The following SYNM variants were observed in gnomAD, a reference collection of about 807,000 sequenced individuals.
The protein encoded by SYNM is synemin.
SYNM carries 95 observed loss-of-function variants against 104.0 expected under a neutral mutation model. That is an observed-to-expected ratio of 0.91 (90% CI 0.77 to 1.08). SYNM has a LOEUF of 1.08. Ranked by LOEUF, SYNM falls within the 50% of genes least tolerant of loss-of-function variation. The probability of loss-of-function intolerance (pLI) is 0.00; values close to 1 mark genes in which losing one functional copy is unlikely to be tolerated. For missense variants in SYNM, 2,150 were observed against 2,052.2 expected, an observed-to-expected ratio of 1.05 and a Z score of -0.92; for synonymous variants, 918 against 869.0, an observed-to-expected ratio of 1.06 and a Z score of -0.99.
rs1189405834 is a variant in SYNM, at chr15:99,116,712, GGCT to G, written c.935+2999_935+3001del. Among the ~76,000 whole-genome samples, 5 of 142,394 alleles carry G rather than the reference GGCT, an allele frequency of 3.5e-5. 1 individual carries two copies. The highest frequency in any genetic ancestry group is 1.3e-4 in the African/African-American group (5 of 39,978). 93.4% of individuals were successfully genotyped at this position (142,394 alleles called of 152,430 possible). A position where few individuals can be genotyped will look rare whatever the true frequency, so the allele number is the denominator to read the frequency against. On this transcript the variant is annotated intron_variant, in intron 2 of 3. Coordinates refer to ENST00000336292, the MANE Select transcript of SYNM (RefSeq NM_145728.3). ...ACATGGAGTCTCACTCTGTCACCCAGGCTGGAGTGTGGTGGTGCGATCTTGGCT... is the reference window on the plus strand; with the variant it reads ...ACATGGAGTCTCACTCTGTCACCCAGGGAGTGTGGTGGTGCGATCTTGGCT...
downstream of SYNM, chr15:99,139,527 C>T (rs577108979): frequency 4.3e-5 from 67 of 1,551,334 alleles, no homozygotes; most frequent in South Asian, 6.9e-4. Flanking sequence ...TTAGCATGCT[C>T]CTGGGATGTC....
chr15:99,108,047 A>C (rs1427743711), intron 1 of SYNM, among the ~76,000 whole-genome samples: 1 of 150,596 alleles, frequency 6.6e-6, no homozygotes, highest in Admixed American at 6.7e-5. Context: ...TGATCTCGGC[A>C]CACCGCAACA....
the SYNM span, chr15:99,141,080 G>A: frequency 6.6e-6 from 1 of 152,142 alleles, no homozygotes; most frequent in African/African-American, 2.4e-5. Flanking sequence ...AAACTACCAA[G>A]TTTTGTTAAA....
At chr15:99,114,441 G>A (rs1434365310) in intron 2 of SYNM, among the ~76,000 whole-genome samples, 2 of 151,936 alleles carry the variant, frequency 1.3e-5, no homozygotes, top group South Asian at 2.1e-4. Context: ...GGTTTGGGTG[G>A]GGACCCAGAG....
At chr15:99,128,001 CTTCA>C (rs57585643) in intron 3 of SYNM, among the ~76,000 whole-genome samples, 1,786 of 151,138 alleles carry the variant, frequency 0.012, 34 homozygotes, top group African/African-American at 0.04. Context: ...TGTTAACTTG[CTTCA>C]TTCATTCATT....
chr15:99,131,702 A>C lies in SYNM; in HGVS notation c.3342A>C (p.Ser1114=). 6.2e-7 allele frequency: 1 copy of C among 1,613,546 alleles called. No homozygotes were observed. Among genetic ancestry groups the C allele is most frequent in the Non-Finnish European group, 8.5e-7 (1 of 1,179,854 alleles). ...GCAGCCCCACAGGCTTTGCCCAGTC[A>C]CAGGTGCTGGAGGATGTGAGCCAGG... The part of the protein sequence containing the change: ...EVSSPTGFAQ[S]QVLEDVSQAA... The change falls in exon 4 of 4, where the codon TCA becomes TCC. Residue 1114 remains serine (S), a synonymous_variant. Transcript: ENST00000336292. This position sits in a 1 kb window ranked among gnomAD's most constrained non-coding sequence, Gnocchi z 4.3.
chr15:99,107,670 T>G (rs2067259369), intron 1 of SYNM, among the ~76,000 whole-genome samples: 1 of 152,190 alleles, frequency 6.6e-6, no homozygotes, highest in Non-Finnish European at 1.5e-5. Flanking sequence ...ACTCGTAATG[T>G]GAGCCATATG....
chr15:99,105,485 C>A lies in SYNM; in HGVS notation c.286C>A (p.Gln96Lys). 1 of 1,357,914 alleles carries A rather than the reference C, an allele frequency of 7.4e-7. No individual in the cohort carries two copies. The highest frequency in any genetic ancestry group is 9.4e-7 in the Non-Finnish European group (1 of 1,059,032). The allele number at this position is 1,357,914 out of a possible 1,614,324, so 84.1% of individuals were successfully genotyped here. The change falls in exon 1 of 4, where the codon CAG becomes AAG. Residue 96 changes from glutamine to lysine, a missense_variant. Transcript: ENST00000336292. ...TCTGCGGCGCGAGCTGCGGGAGCTG[C>A]AGCGCCTGGATGCGGAGGAGCGCGC... is the stretch of plus-strand genomic sequence containing the variant. ...DALRRELREL[Q>K]RLDAEERAAR...
chr15:99,115,527 C>T lies in SYNM; in HGVS notation c.935+1812C>T, dbSNP rs993463817. Among the ~76,000 whole-genome samples, 31 of 142,692 alleles carry T rather than the reference C, an allele frequency of 2.2e-4. 1 individual carries two copies. Among genetic ancestry groups the T allele is most frequent in the African/African-American group, 6.8e-4 (26 of 38,008 alleles). The allele number at this position is 142,692 out of a possible 152,430, so 93.6% of individuals were successfully genotyped here. A position where few individuals can be genotyped will look rare whatever the true frequency, so the allele number is the denominator to read the frequency against. ...TCTCCTAGGCTGGCATGCAGTGGCA[C>T]GAGCTCAGCTCACTGCAACCTCCGC... On this transcript the variant is annotated intron_variant, in intron 2 of 3. Transcript: ENST00000336292.
intron 2 of SYNM, among the ~76,000 whole-genome samples, chr15:99,116,192 T>C (rs1176005104): frequency 6.6e-6 from 1 of 152,252 alleles, no homozygotes; most frequent in Non-Finnish European, 1.5e-5. Context: ...AGACTGGACT[T>C]CCCAAAGCCC....
chr15:99,114,852 A>G (rs2067332689), intron 2 of SYNM, among the ~76,000 whole-genome samples: 1 of 152,114 alleles, frequency 6.6e-6, no homozygotes, highest in Admixed American at 6.5e-5. Context: ...TCTCATGCTC[A>G]GGGCAGCTAT....
rs2067239203 is a variant in SYNM at position 99,106,066 on chromosome 15, C to G, written c.810+57C>G. ...TACCCGCTGCCGTCGCCCCAGCACC[C>G]TGCCCTTGACGGCGTGGGGCAGCGG... On this transcript the variant is annotated intron_variant, in intron 1 of 3. Coordinates refer to ENST00000336292, the MANE Select transcript of SYNM (RefSeq NM_145728.3). 3 of 1,350,950 alleles carry G rather than the reference C, an allele frequency of 2.2e-6. No individual in the cohort carries two copies. In the South Asian group the frequency reaches 5.4e-5, roughly 24 times the overall value. The allele number at this position is 1,350,950 out of a possible 1,614,324, so 83.7% of individuals were successfully genotyped here. A position where few individuals can be genotyped will look rare whatever the true frequency, so the allele number is the denominator to read the frequency against.
chr15:99,129,480 C>T lies in SYNM; in HGVS notation c.1120C>T (p.Leu374=). ...PLASFNHSSA[L]YSNLSGHRGS... ...GGCAAGTTTCAATCACAGCTCGGCA[C>T]TGTATTCTAACCTGTCAGGGCACCG... The change falls in exon 4 of 4, where the codon CTG becomes TTG. Residue 374 remains leucine (L), a synonymous_variant. Transcript: ENST00000336292. 6.2e-7 allele frequency: 1 copy of T among 1,613,994 alleles called. No homozygotes were observed. Among genetic ancestry groups the T allele is most frequent in the Non-Finnish European group, 8.5e-7 (1 of 1,179,892 alleles).
At position 99,132,286 on chromosome 15, in the gene SYNM, G is replaced by A. The variant is rs1555486091; in HGVS notation, c.3926G>A (p.Arg1309Lys). The A allele has an allele frequency of 1.2e-6, 2 of 1,608,730 alleles. No individual in the cohort carries two copies. Among genetic ancestry groups the A allele is most frequent in the Admixed American group, 3.3e-5 (2 of 59,900 alleles). ...TTGCCAGGGAGCAGCACATCCATCA[G>A]GCACATCAGCATTGGGCCTCAGAGG... Reference protein sequence around the residue: ...EGLPGSSTSIRHISIGPQRHQ... With the variant: ...EGLPGSSTSIKHISIGPQRHQ... Residue 1309 changes from arginine to lysine, a missense_variant, in exon 4 of 4, where the codon AGG (arginine) becomes AAG (lysine). Transcript: ENST00000336292.
At chr15:99,114,214 T>C (rs2067325749) in intron 2 of SYNM, among the ~76,000 whole-genome samples, 1 of 152,116 alleles carries the variant, frequency 6.6e-6, no homozygotes, top group Non-Finnish European at 1.5e-5. Context: ...CTCAGGAAAC[T>C]TACAATCGTG....
In SYNM at chr15:99,133,365, G is replaced by T; in HGVS notation, c.*307G>T. ...TGTTTTGCACCTGGTCACAGACATG[G>T]CTTGCATCTGTTTGAAACTACAATT... On this transcript the variant is annotated 3_prime_UTR_variant, in exon 4 of 4. Transcript: ENST00000336292. 5.8e-6 allele frequency: 2 copies of T among 344,498 alleles called. No homozygotes were observed. The highest frequency in any genetic ancestry group is 7.5e-5 in the South Asian group (2 of 26,572). 21.3% of individuals were successfully genotyped at this position (344,498 alleles called of 1,614,324 possible). A position where few individuals can be genotyped will look rare whatever the true frequency, so the allele number is the denominator to read the frequency against.
chr15:99,109,253 A>C (rs996563239), intron 1 of SYNM, among the ~76,000 whole-genome samples: 1 of 152,212 alleles, frequency 6.6e-6, no homozygotes, highest in Non-Finnish European at 1.5e-5. Context: ...ACTGACATCC[A>C]AGTTCCCAAA....
At position 99,130,293 on chromosome 15, in the gene SYNM, A is replaced by G. The variant is rs2067487823; in HGVS notation, c.1933A>G (p.Ser645Gly). ...TETVAENIVT[S>G]ILKQFTQSPE... ...AACCGTAGCAGAAAACATCGTTACC[A>G]GTATCCTGAAGCAGTTCACTCAGTC... Residue 645 changes from serine to glycine, a missense_variant, in exon 4 of 4, where the codon AGT (serine) becomes GGT (glycine). Ser to Gly is a moderately conservative substitution (Grantham distance 56). Transcript: ENST00000336292. The G allele has an allele frequency of 4.3e-6, 7 of 1,613,834 alleles. No homozygotes were observed. The highest frequency in any genetic ancestry group is 4.2e-6 in the Non-Finnish European group (5 of 1,179,884).
In SYNM at chr15:99,105,441, C is replaced by A; in HGVS notation, c.242C>A (p.Ala81Glu). Residue 81 changes from alanine (A) to glutamate (E), a missense_variant, in exon 1 of 4, where the codon GCG becomes GAG. Transcript: ENST00000336292. ...LDELSWATAL[A>E]EGERDALRRE... The stretch of plus-strand genomic sequence containing the variant: ...GAGCTGAGCTGGGCCACTGCGCTGG[C>A]GGAGGGCGAGCGGGACGCTCTGCGG... The A allele has an allele frequency of 6.9e-7, 1 of 1,442,178 alleles. No individual in the cohort carries two copies. 89.3% of individuals were successfully genotyped at this position (1,442,178 alleles called of 1,614,324 possible).
Sources: allele counts gnomAD v4.1 joint callset (sites outside exome capture counted in the v4.1 genomes callset), GRCh38; gene constraint gnomAD v4.1.1; non-coding constraint Gnocchi (gnomAD v3.1); transcripts MANE v1.5; gene names NCBI Gene and HGNC (gene_info 2026-07-23, HGNC 2026-07-21).